The following PDE7B variants were observed in gnomAD, a reference collection of about 807,000 sequenced individuals.
The protein encoded by PDE7B is 3',5'-cyclic-AMP phosphodiesterase 7B.
In PDE7B, 29 loss-of-function variants were observed where a neutral mutation model predicts 56.2. That is an observed-to-expected ratio of 0.52 (90% CI 0.38 to 0.70). PDE7B has a LOEUF of 0.70. PDE7B is among the 30% of genes least tolerant of loss of function. The pLI, the probability that PDE7B is intolerant of heterozygous loss-of-function variation, is 0.00. For synonymous variants in PDE7B, 197 were observed against 196.9 expected, an observed-to-expected ratio of 1.00 and a Z score of 0.00; for missense variants, 490 against 565.0, an observed-to-expected ratio of 0.87 and a Z score of 1.35.
chr6:136,081,861 G>T (rs1777210727), intron 2 of PDE7B, among the ~76,000 whole-genome samples: 1 of 152,054 alleles, frequency 6.6e-6, no homozygotes, highest in Non-Finnish European at 1.5e-5. Context: ...TTGTTTGTTT[G>T]CTTACACCTG....
chr6:136,140,448 A>T (rs1426723609), intron 3 of PDE7B, among the ~76,000 whole-genome samples: 1 of 152,196 alleles, frequency 6.6e-6, no homozygotes, highest in Admixed American at 6.5e-5. Context: ...TGACTTGGTA[A>T]TGCAGGCTCT....
At chr6:136,051,132 G>C (rs1776619570) in intron 2 of PDE7B, among the ~76,000 whole-genome samples, 1 of 151,706 alleles carries the variant, frequency 6.6e-6, no homozygotes, top group African/African-American at 2.4e-5. Context: ...TGAGTGAGGG[G>C]AGTGGGGGCG....
At chr6:136,191,510 T>C (rs1422902068) in intron 12 of PDE7B, 104 bp from the exon 13 acceptor site, 2 of 929,182 alleles carry the variant, frequency 2.2e-6, no homozygotes, top group African/African-American at 1.6e-5. Context: ...CTACTAAAGA[T>C]ACAAAAATTA....
chr6:136,191,705 C>G lies in PDE7B; in HGVS notation c.1218C>G (p.Leu406=), dbSNP rs1054594443. 1.2e-6 allele frequency: 2 copies of G among 1,613,168 alleles called. No individual in the cohort carries two copies. Among genetic ancestry groups the G allele is most frequent in the Non-Finnish European group, 8.5e-7 (1 of 1,179,664 alleles). The part of the protein sequence containing the change: ...STLSENMLGH[L]AHNKAQWKSL... ...TGTCGGAGAACATGCTGGGCCACCT[C>G]GCACACAACAAGGCCCAGTGGAAGA... Residue 406 remains leucine, a synonymous_variant, in exon 13 of 13, where the codon CTC becomes CTG. Transcript: ENST00000308191.
chr6:136,125,317 G>A (rs537694290), intron 3 of PDE7B, among the ~76,000 whole-genome samples: 5 of 152,204 alleles, frequency 3.3e-5, no homozygotes, highest in Admixed American at 6.5e-5. Context: ...ACTCACACTC[G>A]TGAATTAGCA....
chr6:136,005,788 T>C (rs1583823999), intron 2 of PDE7B, among the ~76,000 whole-genome samples: 1 of 152,162 alleles, frequency 6.6e-6, no homozygotes, highest in East Asian at 1.9e-4. Context: ...ATTGTGGAAG[T>C]CAGTGTGGCG....
chr6:135,869,994 A>G (rs1363571144), intron 1 of PDE7B, among the ~76,000 whole-genome samples: 2 of 152,170 alleles, frequency 1.3e-5, no homozygotes, highest in Non-Finnish European at 2.9e-5. Context: ...GTAAATGAGA[A>G]GCCACTGAAA....
chr6:136,057,687 C>A, intron 2 of PDE7B, among the ~76,000 whole-genome samples: 1 of 152,098 alleles, frequency 6.6e-6, no homozygotes, highest in East Asian at 1.9e-4. Context: ...CATCACAAAG[C>A]TTTTACTTGA....
intron 1 of PDE7B, among the ~76,000 whole-genome samples, chr6:135,858,745 T>A (rs905664887): frequency 2.0e-5 from 3 of 152,152 alleles, no homozygotes; most frequent in East Asian, 3.8e-4. Context: ...TTGAGATCTT[T>A]CTCCATAAAC....
At chr6:136,037,615 T>A (rs1419374036) in intron 2 of PDE7B, 1 of 985,190 alleles carries the variant, frequency 1.0e-6, no homozygotes, top group Non-Finnish European at 1.2e-6. Flanking sequence ...GCTTCCTCTG[T>A]TTTTTTGAGA....
At chr6:136,148,068 A>C (rs997975506) in intron 4 of PDE7B, among the ~76,000 whole-genome samples, 1 of 152,238 alleles carries the variant, frequency 6.6e-6, no homozygotes, top group Non-Finnish European at 1.5e-5. Flanking sequence ...TGTTCAGGTT[A>C]TGTCTACCCC....
rs575975129 is a variant in PDE7B, at chr6:136,040,753, T to G, written c.83-67978T>G. On this transcript the variant is annotated intron_variant, in intron 2 of 12. Transcript: ENST00000308191. ...GTCTCCTCAATTTATACTTTCATAA[T>G]CCTTTTAAGCAACTGACTATGCATC... Among the ~76,000 whole-genome samples the G allele has an allele frequency of 2.6e-5, 4 of 152,306 alleles. No individual in the cohort carries two copies. In the East Asian group the frequency reaches 7.7e-4, roughly 29 times the overall value.
At chr6:136,080,702 C>T (rs989181567) in intron 2 of PDE7B, among the ~76,000 whole-genome samples, 12 of 152,240 alleles carry the variant, frequency 7.9e-5, no homozygotes, top group African/African-American at 2.4e-4. Flanking sequence ...ATTTTCAATT[C>T]GTTCATTTAT....
intron 2 of PDE7B, among the ~76,000 whole-genome samples, chr6:136,002,820 G>C (rs1235469822): frequency 6.6e-6 from 1 of 151,944 alleles, no homozygotes; most frequent in African/African-American, 2.4e-5. Context: ...AGGATACCCA[G>C]GAATTGAACT....
At chr6:136,112,636 T>TTTCCAC (rs1160349187) in intron 3 of PDE7B, 1 of 152,108 alleles carries the variant, frequency 6.6e-6, no homozygotes, top group African/African-American at 2.4e-5. Flanking sequence ...TTCTGTTCAG[T>TTTCCAC]TTCCACTGCC....
intron 9 of PDE7B, among the ~76,000 whole-genome samples, chr6:136,178,451 C>T (rs1480178871): frequency 6.6e-6 from 1 of 152,164 alleles, no homozygotes; most frequent in Non-Finnish European, 1.5e-5. Flanking sequence ...ACTAATATAT[C>T]TCTTGCCCAC....
intron 1 of PDE7B, among the ~76,000 whole-genome samples, chr6:135,918,645 T>C (rs549388894): frequency 5.9e-5 from 9 of 152,164 alleles, no homozygotes; most frequent in Admixed American, 5.9e-4. Context: ...TTTAAATAAA[T>C]TAAAAAATAT....
intron 1 of PDE7B, among the ~76,000 whole-genome samples, chr6:135,926,991 A>T (rs1019751521): frequency 3.9e-5 from 6 of 152,224 alleles, no homozygotes; most frequent in African/African-American, 1.4e-4. Context: ...CTTAGGTTAT[A>T]GCACCATAAT....
At chr6:136,013,187 T>C (rs1439458941) in intron 2 of PDE7B, among the ~76,000 whole-genome samples, 1 of 152,186 alleles carries the variant, frequency 6.6e-6, no homozygotes, top group African/African-American at 2.4e-5. Context: ...TAGTCACTTC[T>C]CTAAGACAGG....
Sources: allele counts gnomAD v4.1 joint callset (sites outside exome capture counted in the v4.1 genomes callset), GRCh38; gene constraint gnomAD v4.1.1; transcripts MANE v1.5; gene names NCBI Gene and HGNC (gene_info 2026-07-23, HGNC 2026-07-21).